PLCH1: variants seen among roughly 807,000 people sequenced by gnomAD.
PLCH1 encodes phospholipase C eta 1.
A neutral mutation model predicts 126.7 loss-of-function variants in PLCH1; 60 were observed. That is an observed-to-expected ratio of 0.47 (90% CI 0.38 to 0.59). The LOEUF (loss-of-function observed/expected upper bound fraction) is 0.59, where lower values mean the gene tolerates loss of function less well. PLCH1 is among the 20% of genes least tolerant of loss of function. PLCH1 has a pLI of 0.00. For missense variants in PLCH1, 1,723 were observed against 2,040.0 expected, an observed-to-expected ratio of 0.84 and a Z score of 2.99; for synonymous variants, 719 against 734.9, an observed-to-expected ratio of 0.98 and a Z score of 0.35.
At chr3:155,457,933 A>G (rs1273122264) in intron 21 of PLCH1, among the ~76,000 whole-genome samples, 5 of 152,158 alleles carry the variant, frequency 3.3e-5, no homozygotes, top group Admixed American at 2.0e-4. Flanking sequence ...CTTCTGTGGC[A>G]CTGCCACCAC....
chr3:155,690,030 A>T (rs1745253577), intron 2 of PLCH1, among the ~76,000 whole-genome samples: 1 of 151,840 alleles, frequency 6.6e-6, no homozygotes. Context: ...TAAAAGCAGC[A>T]AGAGAAAAAA....
At chr3:155,473,889 C>G (rs1209600975) in intron 21 of PLCH1, among the ~76,000 whole-genome samples, 1 of 151,862 alleles carries the variant, frequency 6.6e-6, no homozygotes, top group Non-Finnish European at 1.5e-5. Context: ...AAAGCTGAAA[C>G]TGGATCCCTT....
At chr3:155,521,673 C>A (rs542327396) in intron 11 of PLCH1, among the ~76,000 whole-genome samples, 61 of 152,178 alleles carry the variant, frequency 4.0e-4, no homozygotes, top group Non-Finnish European at 2.9e-4. Context: ...GGCATTTGAG[C>A]CCTCTGCCAA....
chr3:155,471,369 A>G (rs1576768185), intron 21 of PLCH1, among the ~76,000 whole-genome samples: 3 of 152,144 alleles, frequency 2.0e-5, no homozygotes, highest in Middle Eastern at 3.4e-3. Flanking sequence ...TTCAACAAGA[A>G]GAGCTAACTA....
chr3:155,613,723 C>A (rs1389325191), intron 2 of PLCH1, among the ~76,000 whole-genome samples: 2 of 152,160 alleles, frequency 1.3e-5, no homozygotes, highest in African/African-American at 4.8e-5. Context: ...TGAAAGCATT[C>A]TTCCTGAAAA....
chr3:155,741,423 T>G (rs1749610233), intron 1 of PLCH1, among the ~76,000 whole-genome samples: 2 of 152,158 alleles, frequency 1.3e-5, no homozygotes. Flanking sequence ...TCAGCAAGCT[T>G]CCCTGGGTTT....
rs781039976 is a variant in PLCH1, at chr3:155,481,964, A to T, written c.4062T>A (p.Ile1354=). Reference sequence around the variant, plus strand: ...GAGAAAGATTTTCTGATTCTCCATCAATTTCCACAAGGCTGCTCTCCCCAG... The same window carrying T: ...GAGAAAGATTTTCTGATTCTCCATCTATTTCCACAAGGCTGCTCTCCCCAG... ...FNSGESSLVE[I]DGESENLSLT... is the part of the protein sequence containing the mutation. The change falls in exon 23 of 23, where the codon ATT becomes ATA. Residue 1354 remains isoleucine (I), a synonymous_variant. Transcript: ENST00000460012. This position sits in a 1 kb window ranked among gnomAD's most constrained non-coding sequence, Gnocchi z 4.2. 1.2e-6 allele frequency: 2 copies of T among 1,614,152 alleles called. No homozygotes were observed. The highest frequency in any genetic ancestry group is 2.7e-5 in the African/African-American group (2 of 75,042).
At chr3:155,710,319 T>C (rs1747009749) in intron 1 of PLCH1, among the ~76,000 whole-genome samples, 1 of 152,178 alleles carries the variant, frequency 6.6e-6, no homozygotes, top group Admixed American at 6.5e-5. Context: ...AAAAATGTAT[T>C]TTGGACAAGA....
At chr3:155,604,222 T>C (rs1362982217) in intron 2 of PLCH1, among the ~76,000 whole-genome samples, 1 of 152,088 alleles carries the variant, frequency 6.6e-6, no homozygotes, top group African/African-American at 2.4e-5. Context: ...TCACAGCAAA[T>C]GGCTTCACTT....
chr3:155,524,504 A>G (rs1721643723), intron 10 of PLCH1, among the ~76,000 whole-genome samples: 1 of 152,242 alleles, frequency 6.6e-6, no homozygotes. Flanking sequence ...ACAATTAAAA[A>G]TCATTTTTGA....
At position 155,481,503 on chromosome 3, in the gene PLCH1, T is replaced by C; in HGVS notation, c.4523A>G (p.Lys1508Arg). Residue 1508 changes from lysine to arginine, a missense_variant, in exon 23 of 23, where the codon AAG becomes AGG. Lys to Arg is a conservative substitution (Grantham distance 26). Around this residue, in one of 2 missense-constraint regions of PLCH1, gnomAD observed 947 missense variants for 977.1 expected, o/e 0.97. Transcript: ENST00000460012. The surrounding 1 kb of genome is among the most constrained non-coding windows in gnomAD (Gnocchi z 4.2). ...NFESKYQCIS[K>R]SFVTTGIRDK... The stretch of plus-strand genomic sequence containing the variant: ...TCTAATGCCAGTTGTAACAAAACTC[T>C]TACTAATACACTGGTACTTGCTCTC... 6.2e-7 allele frequency: 1 copy of C among 1,614,168 alleles called. No individual in the cohort carries two copies. Among genetic ancestry groups the C allele is most frequent in the Non-Finnish European group, 8.5e-7 (1 of 1,180,024 alleles).
intron 21 of PLCH1, among the ~76,000 whole-genome samples, chr3:155,453,610 A>G (rs1036807241): frequency 6.6e-6 from 1 of 152,090 alleles, no homozygotes; most frequent in Non-Finnish European, 1.5e-5. Flanking sequence ...TGGAATTCAG[A>G]ATAAAGAACT....
chr3:155,485,347 G>C lies in PLCH1; in HGVS notation c.2974+9C>G, dbSNP rs760788532. ...GGGTTTATTCTCAGAGAAACTTAAA[G>C]CATCTTACCTAGAGAGTTTTCTTTT... On this transcript the variant is annotated intron_variant, in intron 22 of 22. Coordinates refer to ENST00000460012, the MANE Select transcript of PLCH1 (RefSeq NM_014996.4). 6.4e-7 allele frequency: 1 copy of C among 1,564,850 alleles called. No homozygotes were observed. Among genetic ancestry groups the C allele is most frequent in the Non-Finnish European group, 8.8e-7 (1 of 1,140,016 alleles).
chr3:155,733,997 C>T (rs1483336391), intron 1 of PLCH1, among the ~76,000 whole-genome samples: 2 of 135,880 alleles, frequency 1.5e-5, no homozygotes, highest in African/African-American at 2.7e-5. Flanking sequence ...CATCACTAGT[C>T]ATCAGGAAAG....
rs557975401 is a variant in PLCH1 at position 155,629,222 on chromosome 3, G to A, written c.80-32844C>T. On this transcript the variant is annotated intron_variant, in intron 2 of 22. Transcript: ENST00000460012. ...GACATCAGAGCTCAGAAAATGCAGCGGCTCAAAGTAGTGGCAGATTCTCAG... is the reference window on the plus strand; with the variant it reads ...GACATCAGAGCTCAGAAAATGCAGCAGCTCAAAGTAGTGGCAGATTCTCAG... Among the ~76,000 whole-genome samples the A allele has an allele frequency of 2.6e-5, 4 of 152,188 alleles. No homozygotes were observed. In the East Asian group the frequency reaches 5.8e-4, roughly 22 times the overall value.
intron 10 of PLCH1, among the ~76,000 whole-genome samples, chr3:155,537,216 A>AAAAAAAAAAAAAAAAAAAAAC (rs1723532913): frequency 1.8e-4 from 2 of 11,306 alleles, no homozygotes; most frequent in Non-Finnish European, 2.9e-3. Flanking sequence ...AAAAAAAAAA[A>AAAAAAAAAAAAAAAAAAAAAC]AAAAAAAAAA....
intron 11 of PLCH1, among the ~76,000 whole-genome samples, chr3:155,517,844 G>T (rs1323058825): frequency 6.6e-6 from 1 of 152,120 alleles, no homozygotes. Flanking sequence ...TTCAATGTGA[G>T]GAAAAGCATG....
chr3:155,693,466 C>T (rs1333450838), intron 2 of PLCH1, among the ~76,000 whole-genome samples: 1 of 25,134 alleles, frequency 4.0e-5, no homozygotes, highest in Admixed American at 5.0e-4. Flanking sequence ...AGCGAGACTC[C>T]GTCTCAAAAA....
intron 6 of PLCH1, among the ~76,000 whole-genome samples, chr3:155,580,028 A>G (rs1730456421): frequency 1.3e-5 from 2 of 152,208 alleles, no homozygotes; most frequent in Non-Finnish European, 2.9e-5. Context: ...CAAAAAATAC[A>G]ATTCAAAAAC....
Sources: allele counts gnomAD v4.1 joint callset (sites outside exome capture counted in the v4.1 genomes callset), GRCh38; gene constraint gnomAD v4.1.1; regional missense constraint gnomAD v4.1.1; non-coding constraint Gnocchi (gnomAD v3.1); transcripts MANE v1.5; gene names NCBI Gene and HGNC (gene_info 2026-07-23, HGNC 2026-07-21).